The following STIM1 variants were observed in gnomAD, a reference collection of about 807,000 sequenced individuals.
STIM1 encodes stromal interaction molecule 1.
Under a neutral mutation model 74.7 loss-of-function variants are expected in STIM1, and 25 were observed. The observed-to-expected ratio is 0.33, with a 90% confidence interval of 0.24 to 0.47. STIM1 has a LOEUF of 0.47. Ranked by LOEUF, STIM1 falls within the 20% of genes least tolerant of loss-of-function variation. The pLI is 1.00. For synonymous variants in STIM1, 328 were observed against 348.8 expected (o/e 0.94, Z 0.66); for missense variants, 728 against 920.8 (o/e 0.79, Z 2.71).
At chr11:3,859,855 A>G (rs2090530537) in intron 1 of STIM1, among the ~76,000 whole-genome samples, 1 of 152,248 alleles carries the variant, frequency 6.6e-6, no homozygotes, top group Admixed American at 6.5e-5. Flanking sequence ...AGCCTGGGGT[A>G]GCCAGGATAT....
chr11:4,051,678 A>T (rs903796150), intron 3 of STIM1, among the ~76,000 whole-genome samples: 3 of 146,092 alleles, frequency 2.1e-5, no homozygotes, highest in Non-Finnish European at 4.5e-5. Flanking sequence ...CAACAGTCTC[A>T]CTCCGTCACT....
intron 3 of STIM1, among the ~76,000 whole-genome samples, chr11:4,029,898 A>G (rs1469068932): frequency 1.3e-5 from 2 of 152,140 alleles, no homozygotes; most frequent in African/African-American, 2.4e-5. Flanking sequence ...TAATAACTTC[A>G]CCCTTGTTTA....
At chr11:4,041,155 C>T (rs1248794753) in intron 3 of STIM1, among the ~76,000 whole-genome samples, 4 of 152,178 alleles carry the variant, frequency 2.6e-5, no homozygotes, top group Non-Finnish European at 5.9e-5. Flanking sequence ...TTTTGTGATG[C>T]CTTTTCTGAT....
chr11:3,862,440 G>C (rs1334478598), intron 1 of STIM1, among the ~76,000 whole-genome samples: 1 of 152,118 alleles, frequency 6.6e-6, no homozygotes, highest in Non-Finnish European at 1.5e-5. Flanking sequence ...ATGCTCTGTA[G>C]AATTGCATTC....
At chr11:3,885,392 GCCTAGGCTGGTCTTGAACC>G (rs2091668733) in intron 1 of STIM1, among the ~76,000 whole-genome samples, 1 of 151,902 alleles carries the variant, frequency 6.6e-6, no homozygotes, top group East Asian at 1.9e-4. Flanking sequence ...TTGCCATGTT[GCCTAGGCTGGTCTTGAACC>G]CCTGGGCTCA....
rs911831587 is a variant in STIM1 at position 3,861,999 on chromosome 11, A to G, written c.139+5590A>G. ...GGTACATTTCCCTTTGTGGAAAATGATTCTTTGGGAAACTCAGCAGGTTTG... is the reference window on the plus strand; with the variant it reads ...GGTACATTTCCCTTTGTGGAAAATGGTTCTTTGGGAAACTCAGCAGGTTTG... On this transcript the variant is annotated intron_variant, in intron 1 of 12. Transcript: ENST00000526596. Among the ~76,000 whole-genome samples, 9 of 152,194 alleles carry G rather than the reference A, an allele frequency of 5.9e-5. 1 individual carries two copies. The highest frequency in any genetic ancestry group is 1.3e-4 in the Admixed American group (2 of 15,280).
intron 1 of STIM1, among the ~76,000 whole-genome samples, chr11:3,892,056 T>A (rs1278900775): frequency 6.6e-6 from 1 of 152,264 alleles, no homozygotes; most frequent in Non-Finnish European, 1.5e-5. Flanking sequence ...AAATGTTTGT[T>A]GAATTGTAGA....
At chr11:3,972,830 A>T in intron 2 of STIM1, 1 of 474,378 alleles carries the variant, frequency 2.1e-6, no homozygotes, top group South Asian at 1.5e-5. Context: ...ATAGCTACTG[A>T]CTGGAACCAC....
intron 1 of STIM1, among the ~76,000 whole-genome samples, chr11:3,866,639 C>G (rs1219350231): frequency 6.6e-6 from 1 of 151,994 alleles, no homozygotes; most frequent in Non-Finnish European, 1.5e-5. Context: ...GTTGATCAGG[C>G]TGGTCTTGAA....
intron 1 of STIM1, among the ~76,000 whole-genome samples, chr11:3,864,870 C>G (rs1370051634): frequency 6.6e-6 from 1 of 152,132 alleles, no homozygotes; most frequent in Non-Finnish European, 1.5e-5. Flanking sequence ...TCTTTTTATA[C>G]TCCCTTTTAT....
chr11:4,017,876 A>G (rs985401685), intron 2 of STIM1, among the ~76,000 whole-genome samples: 1 of 152,202 alleles, frequency 6.6e-6, no homozygotes, highest in Non-Finnish European at 1.5e-5. Flanking sequence ...ATTTCTCTGT[A>G]TCTGCCCTTT....
intron 3 of STIM1, among the ~76,000 whole-genome samples, chr11:4,043,288 G>C (rs759327697): frequency 6.6e-6 from 1 of 152,132 alleles, no homozygotes; most frequent in African/African-American, 2.4e-5. Context: ...TAAAAGGTCT[G>C]TTCCTTTCTA....
chr11:3,902,587 G>A (rs1352246364), intron 1 of STIM1, among the ~76,000 whole-genome samples: 1 of 152,228 alleles, frequency 6.6e-6, no homozygotes, highest in Non-Finnish European at 1.5e-5. Context: ...CCACTGATAT[G>A]ACAGGAGGCG....
At chr11:3,878,280 TAC>T (rs568853502) in intron 1 of STIM1, among the ~76,000 whole-genome samples, 136 of 152,316 alleles carry the variant, frequency 8.9e-4, no homozygotes, top group South Asian at 2.1e-3. Context: ...CTAGGTGCTT[TAC>T]ACCAATAATT....
chr11:3,971,149 G>GA (rs898752925), intron 2 of STIM1, among the ~76,000 whole-genome samples: 5 of 151,936 alleles, frequency 3.3e-5, no homozygotes, highest in Admixed American at 3.3e-4. Flanking sequence ...GCCAAGGCAG[G>GA]AGGACTGCTT....
Position 3,897,660 on chromosome 11 carries a change from C to T in STIM1, c.139+41251C>T, listed in dbSNP as rs187166610. Among the ~76,000 whole-genome samples, 331 of 152,206 alleles carry T rather than the reference C, an allele frequency of 2.2e-3. 2 individuals carry two copies. In the South Asian group the frequency reaches 0.027, roughly 12 times the overall value. ...TATATCTCCTAAAGCTATCCCTCCCCCCGCCACGCCCACCCCACAACAGTC... is the reference window on the plus strand; with the variant it reads ...TATATCTCCTAAAGCTATCCCTCCCTCCGCCACGCCCACCCCACAACAGTC... On this transcript the variant is annotated intron_variant, in intron 1 of 12. Transcript: ENST00000526596.
chr11:3,971,277 C>T (rs1024506268), intron 2 of STIM1, among the ~76,000 whole-genome samples: 5 of 150,582 alleles, frequency 3.3e-5, no homozygotes, highest in African/African-American at 9.7e-5. Context: ...CGCCTGTAAT[C>T]CCAGCACTTT....
chr11:4,059,493 AC>A, intron 5 of STIM1, 97 bp downstream of exon 5: 1 of 924,080 alleles, frequency 1.1e-6, no homozygotes, highest in Non-Finnish European at 1.7e-6. Context: ...TCCTAGGCAC[AC>A]CTGCAAGATA....
chr11:4,076,127 T>C (rs1386469902), intron 7 of STIM1, among the ~76,000 whole-genome samples: 1 of 152,128 alleles, frequency 6.6e-6, no homozygotes, highest in Non-Finnish European at 1.5e-5. Flanking sequence ...TTTTTTTTGC[T>C]TTATTGTCTT....
Sources: gnomAD v4.1 joint callset for allele counts (sites outside exome capture counted in the v4.1 genomes callset) on GRCh38, gnomAD v4.1.1 for gene constraint, MANE v1.5 for transcripts, NCBI Gene and HGNC (gene_info 2026-07-23, HGNC 2026-07-21) for gene names.